The following ZNF486 variants were observed in gnomAD, a reference collection of about 807,000 sequenced individuals.
The protein encoded by ZNF486 is KRAB box only protein 2.
In ZNF486, 12 loss-of-function variants were observed where a neutral mutation model predicts 12.8. That is an observed-to-expected ratio of 0.94 (90% confidence interval 0.60 to 1.52). The LOEUF is 1.52. Ranked by LOEUF, ZNF486 falls within the 40% of genes most tolerant of loss-of-function variation. ZNF486 has a pLI of 0.00. For synonymous variants in ZNF486, 231 were observed against 184.9 expected, an observed-to-expected ratio of 1.25 and a Z score of -2.02; for missense variants, 738 against 545.0, an observed-to-expected ratio of 1.35 and a Z score of -3.53.
chr19:20,195,257 C>T lies in ZNF486; in HGVS notation c.254-1707C>T, dbSNP rs562587345. Among the ~76,000 whole-genome samples, 7 of 152,342 alleles carry T rather than the reference C, an allele frequency of 4.6e-5. No homozygotes were observed. The South Asian group carries it at 1.0e-3, about 23-fold the overall frequency. On this transcript the variant is annotated intron_variant, in intron 3 of 3. Coordinates refer to ENST00000335117, the MANE Select transcript of ZNF486 (RefSeq NM_052852.4). ...AATCTCCACTCACTGCAACGTTTCCCGCCTGGATTCAAGCAATTCTCCTGT... is the reference window on the plus strand; with the variant it reads ...AATCTCCACTCACTGCAACGTTTCCTGCCTGGATTCAAGCAATTCTCCTGT...
At chr19:20,173,595 C>T (rs1190897545) in intron 1 of ZNF486, among the ~76,000 whole-genome samples, 3 of 152,112 alleles carry the variant, frequency 2.0e-5, no homozygotes, top group Admixed American at 1.3e-4. Context: ...CTTTTGGAGG[C>T]TGAGGTGGGT....
intron 1 of ZNF486, among the ~76,000 whole-genome samples, chr19:20,173,461 T>G (rs2089671950): frequency 6.6e-6 from 1 of 152,136 alleles, no homozygotes; most frequent in Non-Finnish European, 1.5e-5. Context: ...CTTCTGGTTT[T>G]AACCCCACTA....
At chr19:20,183,477 A>G (rs2122654272) in intron 1 of ZNF486, among the ~76,000 whole-genome samples, 1 of 152,344 alleles carries the variant, frequency 6.6e-6, no homozygotes, top group African/African-American at 2.4e-5. Context: ...AGGAGTTATC[A>G]AAAACTTTGA....
chr19:20,175,950 C>T (rs551132516), intron 1 of ZNF486: 9 of 170,964 alleles, frequency 5.3e-5, no homozygotes, highest in South Asian at 2.1e-4. Context: ...GGCGGCTGGC[C>T]GGGCAGGGGA....
chr19:20,191,625 C>A (rs996785726), intron 3 of ZNF486, among the ~76,000 whole-genome samples: 67 of 150,852 alleles, frequency 4.4e-4, no homozygotes, highest in African/African-American at 1.6e-3. Context: ...AAAAAATTAG[C>A]CGGGCATGGT....
At chr19:20,192,096 G>T (rs1416598894) in intron 3 of ZNF486, among the ~76,000 whole-genome samples, 1 of 151,980 alleles carries the variant, frequency 6.6e-6, no homozygotes, top group Non-Finnish European at 1.5e-5. Context: ...TTGTCTAATG[G>T]TAGTATTTGA....
At chr19:20,175,171 A>T (rs1031207322) in intron 1 of ZNF486, 1 of 152,154 alleles carries the variant, frequency 6.6e-6, no homozygotes, top group African/African-American at 2.4e-5. Flanking sequence ...TCTCTTGCTG[A>T]GAGTAGCTGT....
At chr19:20,172,706 C>T (rs112576807) in intron 1 of ZNF486, among the ~76,000 whole-genome samples, 1 of 142,682 alleles carries the variant, frequency 7.0e-6, no homozygotes, top group Middle Eastern at 3.3e-3. Flanking sequence ...GTGGCACTAT[C>T]TCGGCTCACT....
chr19:20,186,266 T>C (rs1043503972), intron 3 of ZNF486, among the ~76,000 whole-genome samples, 184 bp downstream of exon 3: 1 of 152,224 alleles, frequency 6.6e-6, no homozygotes, highest in East Asian at 1.9e-4. Flanking sequence ...ATCTGTCTCA[T>C]GCTTTTAAAT....
chr19:20,191,134 A>G (rs2089897762), intron 3 of ZNF486, among the ~76,000 whole-genome samples: 1 of 152,154 alleles, frequency 6.6e-6, no homozygotes, highest in African/African-American at 2.4e-5. Flanking sequence ...CACACTTCTT[A>G]TAGTCTGTCA....
intron 1 of ZNF486, among the ~76,000 whole-genome samples, chr19:20,180,806 A>G (rs2089776430): frequency 6.6e-6 from 1 of 152,154 alleles, no homozygotes; most frequent in Non-Finnish European, 1.5e-5. Context: ...TTACAGGTGT[A>G]AGGCAGTGCA....
At chr19:20,167,684 G>A (rs1348245070) in intron 1 of ZNF486, among the ~76,000 whole-genome samples, 2 of 152,112 alleles carry the variant, frequency 1.3e-5, no homozygotes, top group Admixed American at 1.3e-4. Flanking sequence ...CTTGACTCGG[G>A]GTGCGGGTTC....
rs900372406 is a variant in ZNF486, at chr19:20,199,376, C to T, written c.*1274C>T. 1 of 152,098 alleles carries T rather than the reference C, an allele frequency of 6.6e-6. No homozygotes were observed. Among genetic ancestry groups the T allele is most frequent in the Non-Finnish European group, 1.5e-5 (1 of 68,012 alleles). 9.4% of individuals were successfully genotyped at this position (152,098 alleles called of 1,614,324 possible). The stretch of plus-strand genomic sequence containing the variant: ...GCGGTTGCCAAACTTTGTGCAACAT[C>T]AGGGAATGTATATTGAAGAAGATTC... On this transcript the variant is annotated 3_prime_UTR_variant, in exon 4 of 4. Transcript: ENST00000335117.
chr19:20,197,413 G>A lies in ZNF486; in HGVS notation c.703G>A (p.Glu235Lys), dbSNP rs782652940. ...TACACATAAGATAACTCATACTAGA[G>A]AGAAACCCTACAAATGTGAAGAATG... ...LTTHKITHTR[E>K]KPYKCEECGK... Residue 235 changes from glutamate (E) to lysine (K), a missense_variant, in exon 4 of 4, where the codon GAG becomes AAG. Physicochemically the swap from Glu to Lys is moderately conservative, Grantham distance 56. Transcript: ENST00000335117. The A allele has an allele frequency of 1.2e-6, 2 of 1,613,664 alleles. No individual in the cohort carries two copies. The highest frequency in any genetic ancestry group is 2.2e-5 in the South Asian group (2 of 91,064).
intron 1 of ZNF486, among the ~76,000 whole-genome samples, chr19:20,167,817 C>A (rs1197409501): frequency 6.6e-6 from 1 of 150,658 alleles, no homozygotes; most frequent in Non-Finnish European, 1.5e-5. Flanking sequence ...CGAAGGCTGG[C>A]GGATCACTTG....
At chr19:20,181,740 CCTTT>C (rs1257606213) in intron 1 of ZNF486, among the ~76,000 whole-genome samples, 3 of 149,570 alleles carry the variant, frequency 2.0e-5, no homozygotes, top group African/African-American at 7.4e-5. Context: ...TTAAATTATT[CCTTT>C]CTATCTCTTT....
At chr19:20,190,932 G>C (rs1432569809) in intron 3 of ZNF486, among the ~76,000 whole-genome samples, 1 of 152,144 alleles carries the variant, frequency 6.6e-6, no homozygotes, top group Admixed American at 6.5e-5. Flanking sequence ...CTCATGAACG[G>C]CATGGTACAT....
At chr19:20,168,436 C>G (rs1421342434) in intron 1 of ZNF486, among the ~76,000 whole-genome samples, 1 of 152,214 alleles carries the variant, frequency 6.6e-6, no homozygotes, top group Non-Finnish European at 1.5e-5. Context: ...AGGCGGATCA[C>G]CTGAGTTCGG....
In ZNF486 at chr19:20,197,385, T is replaced by A. The variant is rs781981668; in HGVS notation, c.675T>A (p.Leu225=). Residue 225 remains leucine, a synonymous_variant, in exon 4 of 4, where the codon CTT becomes CTA. Coordinates refer to ENST00000335117, the MANE Select transcript of ZNF486 (RefSeq NM_052852.4). The stretch of plus-strand genomic sequence containing the variant: ...AAGCCTTCAACCGGTCCTCACACCT[T>A]ACTACACATAAGATAACTCATACTA... The part of the protein sequence containing the change: ...CGKAFNRSSH[L]TTHKITHTRE... 6.2e-7 allele frequency: 1 copy of A among 1,613,580 alleles called. No individual in the cohort carries two copies. Among genetic ancestry groups the A allele is most frequent in the South Asian group, 1.1e-5 (1 of 91,036 alleles).
Sources: gnomAD v4.1 joint callset for allele counts (sites outside exome capture counted in the v4.1 genomes callset) on GRCh38, gnomAD v4.1.1 for gene constraint, MANE v1.5 for transcripts, NCBI Gene and HGNC (gene_info 2026-07-23, HGNC 2026-07-21) for gene names.